Variants in CLTB observed in about 807,000 individuals in gnomAD.
The protein encoded by CLTB is clathrin light chain B, also known as clathrin, light chain (Lcb).
In CLTB, 10 loss-of-function variants were observed where a neutral mutation model predicts 30.5. That is an observed-to-expected ratio of 0.33 (90% CI 0.20 to 0.56). The LOEUF (loss-of-function observed/expected upper bound fraction) is 0.56. Ranked by LOEUF, CLTB falls within the 20% of genes least tolerant of loss-of-function variation. The pLI, the probability that CLTB is intolerant of heterozygous loss-of-function variation, is 0.91. For synonymous variants in CLTB, 102 were observed against 120.3 expected, an observed-to-expected ratio of 0.85 and a Z score of 1.00; for missense variants, 261 against 308.3, an observed-to-expected ratio of 0.85 and a Z score of 1.15.
Position 176,402,223 on chromosome 5 carries a change from G to A in CLTB, c.235-4176C>T, listed in dbSNP as rs557253238. ...AGGCTGAGGCAGGAGAATTGAACCC[G>A]GGAGATGGAGGTTGCAGTGAGCCGA... On this transcript the variant is annotated intron_variant, in intron 2 of 5. Transcript: ENST00000310418. Among the ~76,000 whole-genome samples the A allele has an allele frequency of 4.6e-5, 7 of 152,272 alleles. No homozygotes were observed. The South Asian group carries it at 1.2e-3, about 27-fold the overall frequency.
chr5:176,397,153 C>T (rs944910033), intron 4 of CLTB, among the ~76,000 whole-genome samples: 3 of 152,240 alleles, frequency 2.0e-5, no homozygotes, highest in African/African-American at 7.2e-5. Context: ...CCATCTCCTC[C>T]GTGCCTACCC....
At chr5:176,397,755 G>C in intron 3 of CLTB, 37 bp from the exon 4 acceptor site, 1 of 1,591,292 alleles carries the variant, frequency 6.3e-7, no homozygotes. Flanking sequence ...CTGCTTTCCA[G>C]CTGGGATGCA....
In CLTB at chr5:176,397,779, G is replaced by A. The variant is rs555936486; in HGVS notation, c.353-61C>T. 117 of 1,547,030 alleles carry A rather than the reference G, an allele frequency of 7.6e-5. No homozygotes were observed. The East Asian group carries it at 1.2e-3, about 16-fold the overall frequency. On this transcript the variant is annotated intron_variant, in intron 3 of 5. Transcript: ENST00000310418. ...AGCTGGGATGCACAGGCCCGGCCGC[G>A]CTCCTCCCCTGGCCCCTGCCAGGCA...
At chr5:176,413,979 C>A (rs1322742749) in intron 1 of CLTB, among the ~76,000 whole-genome samples, 1 of 152,212 alleles carries the variant, frequency 6.6e-6, no homozygotes, top group Non-Finnish European at 1.5e-5. Flanking sequence ...TTGTGCCCCA[C>A]CCCTGCCAAG....
chr5:176,392,713 C>T lies in CLTB; in HGVS notation c.*61G>A. On this transcript the variant is annotated 3_prime_UTR_variant, in exon 6 of 6. Transcript: ENST00000310418. The surrounding 1 kb of genome is among the most constrained non-coding windows in gnomAD (Gnocchi z 5.2). ...CTGCGAGTCTCCACCCCGACCAAAG[C>T]AGCTGCTCCTCCTGTGCCCAGGCCC... 1.9e-6 allele frequency: 3 copies of T among 1,583,890 alleles called. No individual in the cohort carries two copies. The highest frequency in any genetic ancestry group is 2.6e-6 in the Non-Finnish European group (3 of 1,157,914).
chr5:176,401,754 AACAGCGACAC>A (rs2113649393), intron 2 of CLTB: 1 of 456,264 alleles, frequency 2.2e-6, no homozygotes, highest in East Asian at 6.9e-5. Flanking sequence ...TTAAAATGAA[AACAGCGACAC>A]TGAACAATTT....
At chr5:176,394,703 T>TACTCA (rs1405728774) in intron 5 of CLTB, among the ~76,000 whole-genome samples, 1 of 152,040 alleles carries the variant, frequency 6.6e-6, no homozygotes, top group African/African-American at 2.4e-5. Context: ...TAGTCCCAGC[T>TACTCA]ACTCAGGAGG....
intron 2 of CLTB, among the ~76,000 whole-genome samples, chr5:176,408,299 C>T (rs1460672147): frequency 2.0e-5 from 3 of 151,254 alleles, no homozygotes; most frequent in East Asian, 1.9e-4. Context: ...TTTGGGAGGC[C>T]GAGGTGGGTG....
rs1477079344 is a variant in CLTB, at chr5:176,392,806, T to G, written c.658A>C (p.Met220Leu). ...KDVSRLRSVLMSLKQTPLSR is the reference protein window; with the variant it reads ...KDVSRLRSVLLSLKQTPLSR ...GACAGTGGCGTCTGCTTCAGGGACATGAGCACCGAGCGCAGGCGGGACACA... is the reference window on the plus strand; with the variant it reads ...GACAGTGGCGTCTGCTTCAGGGACAGGAGCACCGAGCGCAGGCGGGACACA... Residue 220 changes from methionine to leucine, a missense_variant, in exon 6 of 6, where the codon ATG (methionine) becomes CTG (leucine). Around this residue, in one of 3 missense-constraint regions of CLTB, gnomAD observed 25 missense variants for 48.8 expected, o/e 0.51. Transcript: ENST00000310418. This position sits in a 1 kb window ranked among gnomAD's most constrained non-coding sequence, Gnocchi z 5.2. 1 of 1,614,236 alleles carries G rather than the reference T, an allele frequency of 6.2e-7. No individual in the cohort carries two copies. The highest frequency in any genetic ancestry group is 8.5e-7 in the Non-Finnish European group (1 of 1,180,044).
intron 2 of CLTB, chr5:176,406,461 T>C: frequency 8.5e-7 from 1 of 1,181,466 alleles, no homozygotes; most frequent in Admixed American, 3.5e-5. Context: ...CATCCTTCTT[T>C]GGGATTGATC....
intron 2 of CLTB, chr5:176,406,064 G>T: frequency 1.3e-6 from 1 of 756,294 alleles, no homozygotes; most frequent in Non-Finnish European, 1.6e-6. Flanking sequence ...ATTATTTCCG[G>T]GCTGCTCAGA....
intron 1 of CLTB, among the ~76,000 whole-genome samples, chr5:176,415,169 T>C (rs1757632268): frequency 6.6e-6 from 1 of 152,340 alleles, no homozygotes; most frequent in South Asian, 2.1e-4. Flanking sequence ...TCACAGGGAC[T>C]AGGCCCTGAA....
chr5:176,406,018 G>T, intron 2 of CLTB: 1 of 386,986 alleles, frequency 2.6e-6, no homozygotes, highest in Non-Finnish European at 3.5e-6. Flanking sequence ...CAGTGGTGCT[G>T]CTGGCAGGCA....
chr5:176,409,990 T>C (rs777677980), intron 2 of CLTB, among the ~76,000 whole-genome samples: 13 of 152,154 alleles, frequency 8.5e-5, no homozygotes, highest in Admixed American at 2.6e-4. Flanking sequence ...TGTGGGCCAC[T>C]TGACCTCTCC....
chr5:176,406,736 C>G, intron 2 of CLTB: 1 of 1,275,072 alleles, frequency 7.8e-7, no homozygotes, highest in Middle Eastern at 2.4e-4. Context: ...AAAGGAAGCA[C>G]AAAAGCTCTG....
At chr5:176,407,316 T>C (rs1471127207) in intron 2 of CLTB, among the ~76,000 whole-genome samples, 2 of 152,176 alleles carry the variant, frequency 1.3e-5, no homozygotes, top group African/African-American at 4.8e-5. Flanking sequence ...CTAGGTACTT[T>C]CTTTTTTGAG....
rs1452729423 is a variant in CLTB at position 176,416,248 on chromosome 5, T to C, written c.116A>G (p.Glu39Gly). 9 of 1,601,826 alleles carry C rather than the reference T, an allele frequency of 5.6e-6. No homozygotes were observed. Among genetic ancestry groups the C allele is most frequent in the Non-Finnish European group, 7.7e-6 (9 of 1,176,046 alleles). Reference sequence around the variant, plus strand: ...AGGTGCCCCGAAGCCCTCGTCGTTCTCTATGCCTGCAATCTCGCTCTCCTG... The same window carrying C: ...AGGTGCCCCGAAGCCCTCGTCGTTCCCTATGCCTGCAATCTCGCTCTCCTG... The part of the protein sequence containing the change: ...AQQESEIAGI[E>G]NDEGFGAPAG... The change falls in exon 1 of 6, where the codon GAG becomes GGG. Residue 39 changes from glutamate to glycine, a missense_variant. This residue lies in a region of CLTB where 113 missense variants were observed against 102.5 expected (regional missense o/e 1.10). Coordinates refer to ENST00000310418, the MANE Select transcript of CLTB (RefSeq NM_007097.5).
chr5:176,410,225 C>T (rs755862723), intron 2 of CLTB, 32 bp downstream of exon 2: 9 of 1,607,930 alleles, frequency 5.6e-6, no homozygotes, highest in Non-Finnish European at 7.7e-6. Context: ...GGCTGTTGGT[C>T]CTTACCACTG....
At chr5:176,406,398 C>G in intron 2 of CLTB, 1 of 1,152,310 alleles carries the variant, frequency 8.7e-7, no homozygotes, top group South Asian at 1.7e-5. Context: ...TCTGTGGACC[C>G]ACACCAGCCA....
Sources: allele counts gnomAD v4.1 joint callset (sites outside exome capture counted in the v4.1 genomes callset), GRCh38; gene constraint gnomAD v4.1.1; regional missense constraint gnomAD v4.1.1; non-coding constraint Gnocchi (gnomAD v3.1); transcripts MANE v1.5; gene names NCBI Gene and HGNC (gene_info 2026-07-23, HGNC 2026-07-21).